RHOT1: variants seen among roughly 807,000 people sequenced by gnomAD.
RHOT1 encodes mitochondrial Rho GTPase 1.
RHOT1 carries 27 observed loss-of-function variants against 95.3 expected under a neutral mutation model. That is an observed-to-expected ratio of 0.28 (90% CI 0.21 to 0.39). RHOT1 has a LOEUF of 0.39. Among genes scored for constraint, RHOT1 ranks in the 10% least tolerant of loss-of-function variants. RHOT1 has a pLI of 1.00. For missense variants in RHOT1, 578 were observed against 786.7 expected, an observed-to-expected ratio of 0.73 and a Z score of 3.17; for synonymous variants, 227 against 263.5, an observed-to-expected ratio of 0.86 and a Z score of 1.34.
chr17:32,219,748 G>A (rs182643200), intron 19 of RHOT1, among the ~76,000 whole-genome samples: 1 of 152,170 alleles, frequency 6.6e-6, no homozygotes, highest in African/African-American at 2.4e-5. Flanking sequence ...AAGCCAGAAA[G>A]CCAACATCCC....
At chr17:32,170,336 A>G (rs924481037) in intron 1 of RHOT1, among the ~76,000 whole-genome samples, 1 of 152,010 alleles carries the variant, frequency 6.6e-6, no homozygotes, top group Admixed American at 6.6e-5. Flanking sequence ...AATCGCATGA[A>G]CCCAGGTGGT....
intron 1 of RHOT1, among the ~76,000 whole-genome samples, chr17:32,143,497 CTT>C (rs2142324365): frequency 6.6e-6 from 1 of 152,320 alleles, no homozygotes; most frequent in South Asian, 2.1e-4. Context: ...TCTTTGCCCT[CTT>C]TTTAAGCATT....
In RHOT1 at chr17:32,165,500, G is replaced by A. The variant is rs186732678; in HGVS notation, c.38-5543G>A. On this transcript the variant is annotated intron_variant, in intron 1 of 19. Coordinates refer to ENST00000545287, the MANE Select transcript of RHOT1 (RefSeq NM_001033566.3). ...ATCGTGCCACTGCACTCCAGCCTGA[G>A]TGATCGAGAGAGACCCTGTCTCAAA... Among the ~76,000 whole-genome samples, 1,245 of 151,660 alleles carry A rather than the reference G, an allele frequency of 8.2e-3. 21 individuals carry two copies. Among genetic ancestry groups the A allele is most frequent in the African/African-American group, 0.029 (1,180 of 41,244 alleles).
At chr17:32,217,055 A>G (rs1216189749) in intron 19 of RHOT1, among the ~76,000 whole-genome samples, 1 of 152,230 alleles carries the variant, frequency 6.6e-6, no homozygotes, top group Non-Finnish European at 1.5e-5. Context: ...TTTGGTTAAT[A>G]TATTAAAGGA....
chr17:32,163,029 G>A (rs2033706949), intron 1 of RHOT1, among the ~76,000 whole-genome samples: 1 of 152,150 alleles, frequency 6.6e-6, no homozygotes, highest in African/African-American at 2.4e-5. Flanking sequence ...TTGAGTGGGG[G>A]ATAGTGGGAA....
At chr17:32,206,192 C>CTT (rs71144812) in intron 16 of RHOT1, among the ~76,000 whole-genome samples, 1,056 of 60,550 alleles carry the variant, frequency 0.017, 168 homozygotes, top group Non-Finnish European at 0.022. Flanking sequence ...TCCATAGAAT[C>CTT]TTTTTTTTTT....
At chr17:32,163,511 T>G (rs1405098505) in intron 1 of RHOT1, among the ~76,000 whole-genome samples, 1 of 152,054 alleles carries the variant, frequency 6.6e-6, no homozygotes, top group Non-Finnish European at 1.5e-5. Flanking sequence ...GGTGGGCAGA[T>G]CACAAGGTCA....
At position 32,142,541 on chromosome 17, in the gene RHOT1, C is replaced by T. The variant is rs1232168715; in HGVS notation, c.-152C>T. 6.9e-6 allele frequency: 4 copies of T among 578,504 alleles called. No individual in the cohort carries two copies. The highest frequency in any genetic ancestry group is 4.0e-5 in the African/African-American group (2 of 50,434). The allele number at this position is 578,504 out of a possible 1,614,324, so 35.8% of individuals were successfully genotyped here. On this transcript the variant is annotated 5_prime_UTR_variant, in exon 1 of 20. Transcript: ENST00000545287. Reference sequence around the variant, plus strand: ...CGGAGGAGGCGGAGCTGGCGCTGTCCCGGCTCTCTTGCGGGGAAGCAACTG... The same window carrying T: ...CGGAGGAGGCGGAGCTGGCGCTGTCTCGGCTCTCTTGCGGGGAAGCAACTG...
At chr17:32,183,779 G>A (rs116758959) in intron 8 of RHOT1, among the ~76,000 whole-genome samples, 2,003 of 152,286 alleles carry the variant, frequency 0.013, 42 homozygotes, top group African/African-American at 0.046. Flanking sequence ...CCAGCTCCGG[G>A]GTTCAAGTGA....
intron 1 of RHOT1, among the ~76,000 whole-genome samples, chr17:32,143,768 T>C (rs573400787): frequency 4.0e-4 from 61 of 152,370 alleles, no homozygotes; most frequent in African/African-American, 1.2e-3. Flanking sequence ...AAAGAGTTAA[T>C]ACATTCGTTA....
In RHOT1 at chr17:32,158,435, G is replaced by GT. The variant is rs565749972; in HGVS notation, c.38-12601dup. On this transcript the variant is annotated intron_variant, in intron 1 of 19. Transcript: ENST00000545287. ...CTCAGTTTTTGTTTGTTTGTTTTTT[G>GT]TTTTTTTGAGACAGAGTCTCCCTCT... Among the ~76,000 whole-genome samples the GT allele has an allele frequency of 2.4e-4, 36 of 152,008 alleles. No individual in the cohort carries two copies. The South Asian group carries it at 6.9e-3, about 29-fold the overall frequency.
intron 10 of RHOT1, 92 bp from the exon 11 acceptor site, chr17:32,193,895 G>T: frequency 6.9e-7 from 1 of 1,450,460 alleles, no homozygotes; most frequent in Non-Finnish European, 9.4e-7. Flanking sequence ...GCTAGCATCC[G>T]TATGTTCATG....
chr17:32,147,598 G>A (rs1364278675), intron 1 of RHOT1, among the ~76,000 whole-genome samples: 2 of 152,074 alleles, frequency 1.3e-5, no homozygotes, highest in Non-Finnish European at 2.9e-5. Context: ...CAAGGTGGGT[G>A]GCTCAAAGGT....
rs368906711 is a variant in RHOT1, at chr17:32,161,335, GAGTC to G, written c.38-9703_38-9700del. Among the ~76,000 whole-genome samples, 67 of 152,306 alleles carry G rather than the reference GAGTC, an allele frequency of 4.4e-4. 1 individual carries two copies. The East Asian group carries it at 0.012, about 27-fold the overall frequency. On this transcript the variant is annotated intron_variant, in intron 1 of 19. Coordinates refer to ENST00000545287, the MANE Select transcript of RHOT1 (RefSeq NM_001033566.3). ...GAGTCACAAGTTGTGGGTTCCGGTA[GAGTC>G]AGTCCTTCACCAGAAATGCAAAAAT...
chr17:32,218,251 G>C (rs2038607728), intron 19 of RHOT1, among the ~76,000 whole-genome samples: 1 of 152,130 alleles, frequency 6.6e-6, no homozygotes, highest in Non-Finnish European at 1.5e-5. Context: ...CACTTTGGGA[G>C]GCAGAGGCAG....
At chr17:32,209,411 T>C in intron 18 of RHOT1, 1 of 1,611,900 alleles carries the variant, frequency 6.2e-7, no homozygotes, top group African/African-American at 1.3e-5. Flanking sequence ...AATAGAGAAT[T>C]TGAGAAAAAT....
At chr17:32,193,050 A>C in intron 9 of RHOT1, 86 bp from the exon 10 acceptor site, 1 of 785,640 alleles carries the variant, frequency 1.3e-6, no homozygotes, top group Non-Finnish European at 2.1e-6. Context: ...TCATGGATTT[A>C]ATATTGCTTT....
intron 18 of RHOT1, 32 bp from the exon 19 acceptor site, chr17:32,211,084 C>G: frequency 6.4e-7 from 1 of 1,568,418 alleles, no homozygotes; most frequent in East Asian, 2.3e-5. Context: ...TAAGTAAGAA[C>G]TCAACTCCTG....
chr17:32,156,941 A>G (rs2033027722), intron 1 of RHOT1, among the ~76,000 whole-genome samples: 1 of 152,232 alleles, frequency 6.6e-6, no homozygotes, highest in Admixed American at 6.5e-5. Context: ...TAACAATTCT[A>G]TGAGGCTGGC....
Sources: allele counts gnomAD v4.1 joint callset (sites outside exome capture counted in the v4.1 genomes callset), GRCh38; gene constraint gnomAD v4.1.1; transcripts MANE v1.5; gene names NCBI Gene and HGNC (gene_info 2026-07-23, HGNC 2026-07-21).